NCOR2: variants seen among roughly 807,000 people sequenced by gnomAD.
The protein encoded by NCOR2 is CTG repeat protein 26.
NCOR2 carries 81 observed loss-of-function variants against 262.9 expected under a neutral mutation model. The ratio of observed to expected loss-of-function variants is 0.31; its 90% CI spans 0.26 to 0.37. NCOR2 has a LOEUF of 0.37. Among genes scored for constraint, NCOR2 ranks in the 10% least tolerant of loss-of-function variants. The pLI is 1.00. For synonymous variants in NCOR2, 1,659 were observed against 1,559.3 expected, an observed-to-expected ratio of 1.06 and a Z score of -1.51; for missense variants, 3,385 against 3,621.4, an observed-to-expected ratio of 0.93 and a Z score of 1.68.
At chr12:124,439,428 GAGAGAC>G (rs2044683967) in intron 7 of NCOR2, among the ~76,000 whole-genome samples, 1 of 6,998 alleles carries the variant, frequency 1.4e-4, no homozygotes, top group African/African-American at 3.9e-4. Context: ...GAGAGAGAGA[GAGAGAC>G]AGAGACCCAG....
intron 17 of NCOR2, 96 bp downstream of exon 19, chr12:124,385,649 G>A (rs770431459): frequency 1.3e-5 from 20 of 1,516,946 alleles, no homozygotes; most frequent in Admixed American, 3.8e-5. Flanking sequence ...CCCCTCCCTG[G>A]CCCATGCCTC....
chr12:124,338,418 G>A (rs1180384284), intron 37 of NCOR2, among the ~76,000 whole-genome samples: 1 of 149,376 alleles, frequency 6.7e-6, no homozygotes, highest in Non-Finnish European at 1.5e-5. Context: ...TGAGGCAGGA[G>A]AATCACTTGA....
exon 13 of NCOR2, chr12:124,420,037 G>A: frequency 6.2e-7 from 1 of 1,613,308 alleles, no homozygotes; most frequent in Admixed American, 1.7e-5. Context: ...TAGTAATAGA[G>A]GACGCACTCA....
chr12:124,544,511 A>T (rs1343507290), intron 1 of NCOR2, among the ~76,000 whole-genome samples: 1 of 152,186 alleles, frequency 6.6e-6, no homozygotes, highest in Non-Finnish European at 1.5e-5. Context: ...GAGATTTGTC[A>T]CGAGGGCCTG....
intron 1 of NCOR2, among the ~76,000 whole-genome samples, chr12:124,501,060 GCGCACACACACACACACACA>G: frequency 2.0e-5 from 1 of 48,824 alleles, no homozygotes; most frequent in Non-Finnish European, 4.9e-5. Context: ...GCGCGCACGC[GCGCACACACACACACACACA>G]CACACACACA....
At chr12:124,413,371 G>A (rs1401767780) in intron 13 of NCOR2, among the ~76,000 whole-genome samples, 1 of 152,200 alleles carries the variant, frequency 6.6e-6, no homozygotes, top group Non-Finnish European at 1.5e-5. Flanking sequence ...GGTCGGATTC[G>A]CATCTGAAGG....
At chr12:124,409,940 A>T (rs942121389) in intron 13 of NCOR2, among the ~76,000 whole-genome samples, 5 of 151,660 alleles carry the variant, frequency 3.3e-5, no homozygotes, top group Non-Finnish European at 7.4e-5. Flanking sequence ...CAGCCTCCCA[A>T]AGTGCTGGGA....
At chr12:124,471,572 G>A (rs2046836191) in intron 4 of NCOR2, among the ~76,000 whole-genome samples, 1 of 152,236 alleles carries the variant, frequency 6.6e-6, no homozygotes, top group Non-Finnish European at 1.5e-5. Context: ...TCAGTGATCA[G>A]CAAAATTTCT....
intron 7 of NCOR2, among the ~76,000 whole-genome samples, chr12:124,438,325 A>G (rs887422598): frequency 1.3e-5 from 2 of 152,080 alleles, no homozygotes; most frequent in African/African-American, 2.4e-5. Flanking sequence ...ATGGCCACGG[A>G]GAAACAGCCA....
At chr12:124,402,512 G>GGCGGCTGCTGCT in exon 14 of NCOR2, 2 of 1,459,254 alleles carry the variant, frequency 1.4e-6, no homozygotes, top group Non-Finnish European at 1.9e-6. Flanking sequence ...GCGGGGCATG[G>GGCGGCTGCTGCT]GCTGCTGCTG....
At chr12:124,347,053 G>A (rs939084243) in intron 30 of NCOR2, among the ~76,000 whole-genome samples, 1 of 152,170 alleles carries the variant, frequency 6.6e-6, no homozygotes, top group African/African-American at 2.4e-5. Context: ...TCAGCAAGTC[G>A]GGAACACTAT....
At position 124,464,992 on chromosome 12, in the gene NCOR2, G is replaced by A. The variant is rs539197718; in HGVS notation, c.705+1181C>T. Among the ~76,000 whole-genome samples, 140 of 152,276 alleles carry A rather than the reference G, an allele frequency of 9.2e-4. 1 individual carries two copies. Among genetic ancestry groups the A allele is most frequent in the South Asian group, 5.2e-3 (25 of 4,822 alleles). On this transcript the variant is annotated intron_variant, in intron 5 of 46. Transcript: ENST00000405201. Reference sequence around the variant, plus strand: ...GGCTTGTCTCATTCTGCATGACATCGCTGTTTCTAGAGGTGGAGGCATAGC... The same window carrying A: ...GGCTTGTCTCATTCTGCATGACATCACTGTTTCTAGAGGTGGAGGCATAGC...
chr12:124,374,516 G>A (rs2039831136), intron 18 of NCOR2, 53 bp from the exon 21 acceptor site: 3 of 1,573,144 alleles, frequency 1.9e-6, no homozygotes, highest in African/African-American at 1.4e-5. Context: ...AGTAGTGGGA[G>A]GGGAGGGAGG....
chr12:124,449,364 T>A (rs3825138), intron 7 of NCOR2, among the ~76,000 whole-genome samples: 1 of 152,144 alleles, frequency 6.6e-6, no homozygotes, highest in Admixed American at 6.5e-5. Context: ...CAGAGGGACC[T>A]CTCTGTGCAG....
chr12:124,424,196 G>A (rs1282150845), intron 11 of NCOR2, among the ~76,000 whole-genome samples: 1 of 152,082 alleles, frequency 6.6e-6, no homozygotes, highest in Admixed American at 6.6e-5. Context: ...AAGTCTCCCA[G>A]AACACCTTTT....
At chr12:124,348,310 G>C (rs750903727) in exon 29 of NCOR2, 1 of 1,606,448 alleles carries the variant, frequency 6.2e-7, no homozygotes, top group East Asian at 2.2e-5. Flanking sequence ...TCACAGACAT[G>C]CCACCTGGAA....
At chr12:124,532,833 C>G (rs1395635287) in intron 1 of NCOR2, among the ~76,000 whole-genome samples, 1 of 151,642 alleles carries the variant, frequency 6.6e-6, no homozygotes, top group Non-Finnish European at 1.5e-5. Flanking sequence ...CTGCTGAGTT[C>G]ATCACTTTGT....
chr12:124,475,171 C>T (rs2047039726), intron 3 of NCOR2, among the ~76,000 whole-genome samples: 1 of 152,102 alleles, frequency 6.6e-6, no homozygotes, highest in South Asian at 2.1e-4. Flanking sequence ...ACCCGGTGCT[C>T]CCTCCACACA....
chr12:124,338,505 CA>C (rs575208388), intron 37 of NCOR2, among the ~76,000 whole-genome samples: 270 of 87,730 alleles, frequency 3.1e-3, no homozygotes, highest in Middle Eastern at 6.6e-3. Flanking sequence ...ACAACTCCAT[CA>C]AAAAAAAAAA....
Sources: allele counts gnomAD v4.1 joint callset (sites outside exome capture counted in the v4.1 genomes callset), GRCh38; gene constraint gnomAD v4.1.1; transcripts MANE v1.5; gene names NCBI Gene and HGNC (gene_info 2026-07-23, HGNC 2026-07-21).